SPSB1: variants seen among roughly 807,000 people sequenced by gnomAD.
The protein encoded by SPSB1 is SPRY domain-containing SOCS box protein 1.
A neutral mutation model predicts 21.2 loss-of-function variants in SPSB1; 8 were observed. That is an observed-to-expected ratio of 0.38 (90% CI 0.22 to 0.68). The LOEUF is 0.68. Ranked by LOEUF, SPSB1 falls within the 30% of genes least tolerant of loss-of-function variation. The pLI is 0.53. For missense variants in SPSB1, 242 were observed against 377.8 expected, an observed-to-expected ratio of 0.64 and a Z score of 2.98; for synonymous variants, 169 against 161.7, an observed-to-expected ratio of 1.05 and a Z score of -0.34.
At chr1:9,344,199 A>G (rs78930438) in intron 1 of SPSB1, among the ~76,000 whole-genome samples, 2,941 of 152,338 alleles carry the variant, frequency 0.019, 104 homozygotes, top group African/African-American at 0.068. Flanking sequence ...AGTGGTTCTC[A>G]ATCTCTGGCC....
chr1:9,306,731 G>A (rs188454805), intron 1 of SPSB1, among the ~76,000 whole-genome samples: 1 of 152,248 alleles, frequency 6.6e-6, no homozygotes, highest in Non-Finnish European at 1.5e-5. Flanking sequence ...GGTCAGCAGA[G>A]TGAATGTCAC....
chr1:9,365,906 G>GTGC (rs1640561620), intron 2 of SPSB1, among the ~76,000 whole-genome samples: 1 of 152,220 alleles, frequency 6.6e-6, no homozygotes, highest in African/African-American at 2.4e-5. Context: ...AGGTCCAGGT[G>GTGC]TGCTCACTCC....
In SPSB1 at chr1:9,367,878, A is replaced by C; in HGVS notation, c.*303A>C. 21 of 344,738 alleles carry C rather than the reference A, an allele frequency of 6.1e-5. No individual in the cohort carries two copies. The highest frequency in any genetic ancestry group is 1.3e-4 in the Admixed American group (3 of 22,278). The allele number at this position is 344,738 out of a possible 1,614,324, so 21.4% of individuals were successfully genotyped here. A position where few individuals can be genotyped will look rare whatever the true frequency, so the allele number is the denominator to read the frequency against. On this transcript the variant is annotated 3_prime_UTR_variant, in exon 3 of 3. Transcript: ENST00000328089. The surrounding 1 kb of genome is among the most constrained non-coding windows in gnomAD (Gnocchi z 5.9). ...TACGAAAGCCCTACATTGAGCTCCA[A>C]TCTGCTCGGGGTGGGACGGGTGCTT...
chr1:9,299,046 C>G (rs1282577667), intron 1 of SPSB1, among the ~76,000 whole-genome samples: 2 of 152,202 alleles, frequency 1.3e-5, no homozygotes, highest in Non-Finnish European at 2.9e-5. Context: ...TTCAACTCTC[C>G]GATTTGGCCT....
chr1:9,306,580 A>G (rs920769231), intron 1 of SPSB1, among the ~76,000 whole-genome samples: 2 of 152,102 alleles, frequency 1.3e-5, no homozygotes, highest in African/African-American at 4.8e-5. Context: ...CAGATGAGAA[A>G]AACTAGGGCA....
Position 9,367,690 on chromosome 1 carries a change from G to A in SPSB1, c.*115G>A. ...ACCGGCATCCGTAGCCATGGACAGA[G>A]GTCCCTGGTCTTCCCTCATCCTCCG... is the stretch of plus-strand genomic sequence containing the variant. On this transcript the variant is annotated 3_prime_UTR_variant, in exon 3 of 3. Transcript: ENST00000328089. This position sits in a 1 kb window ranked among gnomAD's most constrained non-coding sequence, Gnocchi z 5.9. The A allele has an allele frequency of 7.0e-7, 1 of 1,420,666 alleles. No homozygotes were observed. Among genetic ancestry groups the A allele is most frequent in the Non-Finnish European group, 9.3e-7 (1 of 1,074,878 alleles). 88.0% of individuals were successfully genotyped at this position (1,420,666 alleles called of 1,614,324 possible). A position where few individuals can be genotyped will look rare whatever the true frequency, so the allele number is the denominator to read the frequency against.
intron 1 of SPSB1, among the ~76,000 whole-genome samples, chr1:9,326,003 G>A (rs568595796): frequency 4.6e-5 from 7 of 152,072 alleles, no homozygotes; most frequent in Non-Finnish European, 8.8e-5. Context: ...AGTGTCCTGG[G>A]TCCTGGCCAG....
intron 1 of SPSB1, among the ~76,000 whole-genome samples, chr1:9,355,103 C>T (rs1453329637): frequency 6.6e-6 from 1 of 152,218 alleles, no homozygotes; most frequent in Non-Finnish European, 1.5e-5. Context: ...TCGAGGCCTT[C>T]CCTTGAGAAG....
At chr1:9,332,452 T>C (rs746629302) in intron 1 of SPSB1, among the ~76,000 whole-genome samples, 28 of 152,112 alleles carry the variant, frequency 1.8e-4, no homozygotes, top group Non-Finnish European at 3.8e-4. Context: ...GGCAGCATTG[T>C]AGAGGCCAGG....
At chr1:9,326,636 C>T (rs994875342) in intron 1 of SPSB1, among the ~76,000 whole-genome samples, 2 of 152,178 alleles carry the variant, frequency 1.3e-5, no homozygotes, top group Admixed American at 6.5e-5. Flanking sequence ...TGCTGAGGCT[C>T]CTGTGCCCCG....
chr1:9,315,621 T>C (rs1639600865), intron 1 of SPSB1, among the ~76,000 whole-genome samples: 1 of 152,246 alleles, frequency 6.6e-6, no homozygotes, highest in African/African-American at 2.4e-5. Context: ...ACCCTTGGCC[T>C]GATGCCAGTG....
intron 1 of SPSB1, among the ~76,000 whole-genome samples, chr1:9,344,551 T>G (rs1289941573): frequency 6.6e-6 from 1 of 152,140 alleles, no homozygotes; most frequent in Non-Finnish European, 1.5e-5. Context: ...AGGTGTCCCC[T>G]GATAGCCTCA....
rs997196407 is a variant in SPSB1, at chr1:9,317,820, C to T, written c.-150+24749C>T. Among the ~76,000 whole-genome samples the T allele has an allele frequency of 3.4e-5, 5 of 148,164 alleles. No individual in the cohort carries two copies. The highest frequency in any genetic ancestry group is 9.9e-5 in the African/African-American group (4 of 40,342). On this transcript the variant is annotated intron_variant, in intron 1 of 2. Transcript: ENST00000328089. This position sits in a 1 kb window ranked among gnomAD's most constrained non-coding sequence, Gnocchi z 4.3. Reference sequence around the variant, plus strand: ...TTCAGAGCCTTATGTAGGTGATTTCCGGTGGCGAGGGAACCAATTTTTTTT... The same window carrying T: ...TTCAGAGCCTTATGTAGGTGATTTCTGGTGGCGAGGGAACCAATTTTTTTT...
intron 1 of SPSB1, among the ~76,000 whole-genome samples, chr1:9,342,400 C>T (rs1640105261): frequency 6.6e-6 from 1 of 152,258 alleles, no homozygotes; most frequent in Admixed American, 6.5e-5. Context: ...TGGTGCAGCT[C>T]ATAGTGGCAG....
chr1:9,345,216 C>A lies in SPSB1; in HGVS notation c.-149-10527C>A, dbSNP rs1027877268. On this transcript the variant is annotated intron_variant, in intron 1 of 2. Transcript: ENST00000328089. The surrounding 1 kb of genome is among the most constrained non-coding windows in gnomAD (Gnocchi z 4.8). ...CCTGCCTCAAGCCCCCGTCTCCTGCCTTCTGGGGAGCTGCTGGGGGTTGGA... is the reference window on the plus strand; with the variant it reads ...CCTGCCTCAAGCCCCCGTCTCCTGCATTCTGGGGAGCTGCTGGGGGTTGGA... Among the ~76,000 whole-genome samples the A allele has an allele frequency of 1.9e-4, 29 of 152,334 alleles. No individual in the cohort carries two copies. Among genetic ancestry groups the A allele is most frequent in the African/African-American group, 6.7e-4 (28 of 41,584 alleles).
chr1:9,364,321 C>G (rs1461320698), intron 2 of SPSB1, among the ~76,000 whole-genome samples: 1 of 152,262 alleles, frequency 6.6e-6, no homozygotes, highest in Non-Finnish European at 1.5e-5. Context: ...AGACCTACTC[C>G]CGACAGCCAG....
At chr1:9,357,762 A>T (rs772416772) in intron 2 of SPSB1, among the ~76,000 whole-genome samples, 4 of 152,074 alleles carry the variant, frequency 2.6e-5, no homozygotes, top group Non-Finnish European at 5.9e-5. Flanking sequence ...CTGGTGTGGG[A>T]GGTGAAGGCT....
At chr1:9,359,712 A>G (rs1640434327) in intron 2 of SPSB1, among the ~76,000 whole-genome samples, 1 of 151,084 alleles carries the variant, frequency 6.6e-6, no homozygotes, top group African/African-American at 2.4e-5. Context: ...TGGGAAAAAA[A>G]AAAAAAAAAG....
rs1426223335 is a variant in SPSB1 at position 9,293,219 on chromosome 1, G to A, written c.-150+148G>A. On this transcript the variant is annotated intron_variant, in intron 1 of 2. Transcript: ENST00000328089. This position sits in a 1 kb window ranked among gnomAD's most constrained non-coding sequence, Gnocchi z 5.1. The stretch of plus-strand genomic sequence containing the variant: ...CGGGGCCGGGCGCGGGGGAGCGGGT[G>A]GAGTACGGGATGGGGACTCGGGGCG... 1.1e-6 allele frequency: 1 copy of A among 925,050 alleles called. No homozygotes were observed. The highest frequency in any genetic ancestry group is 1.3e-6 in the Non-Finnish European group (1 of 776,048). The allele number at this position is 925,050 out of a possible 1,614,324, so 57.3% of individuals were successfully genotyped here. A position where few individuals can be genotyped will look rare whatever the true frequency, so the allele number is the denominator to read the frequency against.
Sources: gnomAD v4.1 joint callset for allele counts (sites outside exome capture counted in the v4.1 genomes callset) on GRCh38, gnomAD v4.1.1 for gene constraint, Gnocchi (gnomAD v3.1) non-coding constraint, MANE v1.5 for transcripts, NCBI Gene and HGNC (gene_info 2026-07-23, HGNC 2026-07-21) for gene names.